Variants in WFDC2 observed in about 807,000 individuals in gnomAD.
WFDC2 encodes WAP four-disulfide core domain protein 2.
Under a neutral mutation model 12.5 loss-of-function variants are expected in WFDC2, and 8 were observed. The observed-to-expected ratio is 0.64, with a 90% CI of 0.37 to 1.15. The LOEUF is 1.15. Ranked by LOEUF, WFDC2 falls within the 50% of genes most tolerant of loss-of-function variation. The pLI, the probability that WFDC2 is intolerant of heterozygous loss-of-function variation, is 0.01. For missense variants in WFDC2, 166 were observed against 159.9 expected (o/e 1.04, Z -0.21); for synonymous variants, 74 against 67.2 (o/e 1.10, Z -0.49).
chr20:45,477,898 G>GCTTTGC (rs1236402693), intron 2 of WFDC2, among the ~76,000 whole-genome samples: 1 of 152,238 alleles, frequency 6.6e-6, no homozygotes, highest in Non-Finnish European at 1.5e-5. Flanking sequence ...GGCTACAGCG[G>GCTTTGC]CTTTGCCGAG....
chr20:45,473,159 T>C (rs1991193650), intron 2 of WFDC2, among the ~76,000 whole-genome samples: 1 of 152,218 alleles, frequency 6.6e-6, no homozygotes, highest in African/African-American at 2.4e-5. Flanking sequence ...ATAGTTTCTT[T>C]TGCTGTGCAG....
intron 2 of WFDC2, among the ~76,000 whole-genome samples, chr20:45,474,409 G>A (rs913848874): frequency 6.6e-6 from 1 of 152,088 alleles, no homozygotes; most frequent in Non-Finnish European, 1.5e-5. Context: ...TTTATCAAAG[G>A]CCTTTTCTGC....
chr20:45,479,620 A>G (rs1250208754), intron 2 of WFDC2: 2 of 1,540,122 alleles, frequency 1.3e-6, no homozygotes, highest in South Asian at 2.2e-5. Flanking sequence ...CTGCTTTCAC[A>G]ACAACCCTAT....
At chr20:45,480,133 G>C in intron 3 of WFDC2, 39 bp downstream of exon 3, 1 of 1,608,660 alleles carries the variant, frequency 6.2e-7, no homozygotes, top group Non-Finnish European at 8.5e-7. Context: ...TGATGGCCAG[G>C]TGTTGTGGGA....
chr20:45,473,532 G>T (rs111707326), intron 2 of WFDC2, among the ~76,000 whole-genome samples: 2,178 of 152,126 alleles, frequency 0.014, 46 homozygotes, highest in African/African-American at 0.05. Flanking sequence ...GTTCTGTTCT[G>T]TTGGTCTATA....
At chr20:45,471,307 C>T (rs1991169448) in intron 2 of WFDC2, 1 of 398,892 alleles carries the variant, frequency 2.5e-6, no homozygotes, top group South Asian at 1.8e-5. Context: ...GCAGTCTCCA[C>T]CAGGCTATCA....
At chr20:45,473,520 C>G (rs868530762) in intron 2 of WFDC2, among the ~76,000 whole-genome samples, 1 of 152,244 alleles carries the variant, frequency 6.6e-6, no homozygotes, top group Middle Eastern at 3.4e-3. Flanking sequence ...TCTGAGGCCT[C>G]TGTTCTGTTC....
chr20:45,474,237 G>A (rs1991206256), intron 2 of WFDC2, among the ~76,000 whole-genome samples: 1 of 152,202 alleles, frequency 6.6e-6, no homozygotes, highest in Non-Finnish European at 1.5e-5. Flanking sequence ...TGGTGAGAGA[G>A]AGCATGCTTG....
chr20:45,470,552 G>A lies in WFDC2; in HGVS notation c.223+20G>A, dbSNP rs1253926704. On this transcript the variant is annotated intron_variant, in intron 2 of 3. Coordinates refer to ENST00000372676, the MANE Select transcript of WFDC2 (RefSeq NM_006103.4). The surrounding 1 kb of genome is among the most constrained non-coding windows in gnomAD (Gnocchi z 5.4). The stretch of plus-strand genomic sequence containing the variant: ...CCAATGGTAACCCCACGGCGGCCGA[G>A]CGGGAACGGGGCGGGGCCGCGCTGG... 1 of 1,577,314 alleles carries A rather than the reference G, an allele frequency of 6.3e-7. No homozygotes were observed. The highest frequency in any genetic ancestry group is 8.6e-7 in the Non-Finnish European group (1 of 1,159,732).
chr20:45,471,962 C>CT lies in WFDC2; in HGVS notation c.223+1431dup, dbSNP rs549740353. Among the ~76,000 whole-genome samples, 561 of 152,250 alleles carry CT rather than the reference C, an allele frequency of 3.7e-3. 4 individuals are homozygous for CT. The highest frequency in any genetic ancestry group is 0.013 in the African/African-American group (532 of 41,534). On this transcript the variant is annotated intron_variant, in intron 2 of 3. Coordinates refer to ENST00000372676, the MANE Select transcript of WFDC2 (RefSeq NM_006103.4). ...AAATGAAATAATGCATCTAAAGTGT[C>CT]TATTAGTGAGAAGATACTCCATACA...
intron 3 of WFDC2, among the ~76,000 whole-genome samples, chr20:45,480,509 C>T (rs554616663): frequency 1.3e-5 from 2 of 151,972 alleles, no homozygotes; most frequent in East Asian, 3.9e-4. Flanking sequence ...ACCCGCTACT[C>T]AGGAGGCTGA....
chr20:45,477,588 C>T (rs1017767698), intron 2 of WFDC2, among the ~76,000 whole-genome samples: 2 of 152,232 alleles, frequency 1.3e-5, no homozygotes, highest in South Asian at 4.1e-4. Context: ...AGCCAGAGCT[C>T]TCCTGTATGA....
intron 2 of WFDC2, among the ~76,000 whole-genome samples, chr20:45,476,300 C>G (rs944574617): frequency 6.6e-6 from 1 of 152,142 alleles, no homozygotes; most frequent in Non-Finnish European, 1.5e-5. Context: ...TATGTTTTTG[C>G]AGTTGCTGAT....
chr20:45,479,894 T>G, intron 2 of WFDC2, 48 bp from the exon 3 acceptor site: 1 of 1,614,188 alleles, frequency 6.2e-7, no homozygotes, highest in Non-Finnish European at 8.5e-7. Flanking sequence ...CAAGTTAATC[T>G]CCCTGTATCG....
intron 3 of WFDC2, among the ~76,000 whole-genome samples, chr20:45,480,393 G>A (rs545571104): frequency 2.0e-4 from 30 of 151,340 alleles, no homozygotes; most frequent in Non-Finnish European, 3.5e-4. Context: ...ATCACCTGAG[G>A]TCGGGAGTTC....
In WFDC2 at chr20:45,470,527, C is replaced by A. The variant is rs1325983143; in HGVS notation, c.218C>A (p.Pro73His). 6.3e-7 allele frequency: 1 copy of A among 1,595,346 alleles called. No homozygotes were observed. The highest frequency in any genetic ancestry group is 2.3e-5 in the East Asian group (1 of 44,434). ...GGCTGTGCCACCTTCTGCTCTCTGC[C>A]CAATGGTAACCCCACGGCGGCCGAG... is the stretch of plus-strand genomic sequence containing the variant. ...SAGCATFCSL[P>H]NDKEGSCPQV... Residue 73 changes from proline to histidine, a missense_variant, in exon 2 of 4, where the codon CCC (proline) becomes CAC (histidine). Transcript: ENST00000372676. The surrounding 1 kb of genome is among the most constrained non-coding windows in gnomAD (Gnocchi z 5.4).
At chr20:45,472,451 T>A (rs538893866) in intron 2 of WFDC2, among the ~76,000 whole-genome samples, 1 of 152,392 alleles carries the variant, frequency 6.6e-6, no homozygotes, top group East Asian at 1.9e-4. Flanking sequence ...CATGAACTCA[T>A]CATTTGTTAT....
rs1456573606 is a variant in WFDC2 at position 45,480,021 on chromosome 20, C to T, written c.303C>T (p.Ser101=). 1.2e-6 allele frequency: 2 copies of T among 1,614,222 alleles called. No homozygotes were observed. The highest frequency in any genetic ancestry group is 4.5e-5 in the East Asian group (2 of 44,886). ...GTCGGGACCAGTGCCAGGTGGACAGCCAGTGTCCTGGCCAGATGAAATGCT... is the reference window on the plus strand; with the variant it reads ...GTCGGGACCAGTGCCAGGTGGACAGTCAGTGTCCTGGCCAGATGAAATGCT... ...GLCRDQCQVD[S]QCPGQMKCCR... is the part of the protein sequence containing the mutation. Residue 101 remains serine (S), a synonymous_variant, in exon 3 of 4, where the codon AGC becomes AGT. Transcript: ENST00000372676.
intron 2 of WFDC2, among the ~76,000 whole-genome samples, chr20:45,475,501 T>C (rs1991222431): frequency 6.6e-6 from 1 of 152,244 alleles, no homozygotes; most frequent in Non-Finnish European, 1.5e-5. Flanking sequence ...TGAGTGAGTT[T>C]CTTAATCCTG....
Sources: allele counts gnomAD v4.1 joint callset (sites outside exome capture counted in the v4.1 genomes callset), GRCh38; gene constraint gnomAD v4.1.1; non-coding constraint Gnocchi (gnomAD v3.1); transcripts MANE v1.5; gene names NCBI Gene and HGNC (gene_info 2026-07-23, HGNC 2026-07-21).